ASCC1: variants seen among roughly 807,000 people sequenced by gnomAD.
ASCC1 encodes the protein activating signal cointegrator 1 complex subunit 1, also known as ASC-1 complex subunit P50.
A neutral mutation model predicts 46.6 loss-of-function variants in ASCC1; 35 were observed. The observed-to-expected ratio is 0.75, with a 90% CI of 0.57 to 0.99. ASCC1 has a LOEUF of 0.99. Ranked by LOEUF, ASCC1 falls within the 50% of genes least tolerant of loss-of-function variation. ASCC1 has a pLI of 0.00. For missense variants in ASCC1, 376 were observed against 428.7 expected (o/e 0.88, Z 1.09); for synonymous variants, 143 against 146.6 (o/e 0.98, Z 0.18).
chr10:72,112,880 A>T lies in ASCC1; in HGVS notation c.957+15202T>A, dbSNP rs1223367771. On this transcript the variant is annotated intron_variant, in intron 9 of 9. Coordinates refer to ENST00000672957, the MANE Select transcript of ASCC1 (RefSeq NM_001198800.3). The stretch of plus-strand genomic sequence containing the variant: ...GCAACAGAGCTAGACTCTGCCTCCA[A>T]AAAAAAAAAAAAAAAAAAAAACCCC... Among the ~76,000 whole-genome samples, 3 of 35,724 alleles carry T rather than the reference A, an allele frequency of 8.4e-5. No homozygotes were observed. In the East Asian group the frequency reaches 1.1e-3, roughly 14 times the overall value. 23.4% of individuals were successfully genotyped at this position (35,724 alleles called of 152,430 possible). A position where few individuals can be genotyped will look rare whatever the true frequency, so the allele number is the denominator to read the frequency against.
intron 5 of ASCC1, among the ~76,000 whole-genome samples, chr10:72,167,565 C>T (rs1298369950): frequency 6.6e-6 from 1 of 150,974 alleles, no homozygotes; most frequent in African/African-American, 2.4e-5. Flanking sequence ...CTAAATTGTA[C>T]ACTTAAAATG....
At chr10:72,102,115 C>G (rs1021464018) in intron 9 of ASCC1, among the ~76,000 whole-genome samples, 6 of 151,576 alleles carry the variant, frequency 4.0e-5, no homozygotes, top group African/African-American at 1.2e-4. Context: ...AACAAACCTT[C>G]ACATGTACCC....
chr10:72,128,277 A>G (rs1564616643), intron 8 of ASCC1, 110 bp from the exon 9 acceptor site: 7 of 861,534 alleles, frequency 8.1e-6, no homozygotes, highest in Non-Finnish European at 1.4e-5. Flanking sequence ...AACTACCTGG[A>G]AAGTGGCATA....
At chr10:72,113,692 T>C (rs1843172979) in intron 9 of ASCC1, among the ~76,000 whole-genome samples, 1 of 152,236 alleles carries the variant, frequency 6.6e-6, no homozygotes, top group Non-Finnish European at 1.5e-5. Flanking sequence ...AACTGTACTT[T>C]TTCCTTATAT....
At position 72,213,248 on chromosome 10, in the gene ASCC1, C is replaced by A. The variant is rs762142390; in HGVS notation, c.51G>T (p.Arg17Ser). ...QLIRIDGRNYRKNPVQEQTYQ... is the reference protein window; with the variant it reads ...QLIRIDGRNYSKNPVQEQTYQ... The stretch of plus-strand genomic sequence containing the variant: ...AGGTCTGTTCTTGGACTGGATTCTT[C>A]CTGTAATTCCGGCCATCAATTCTTA... Residue 17 changes from arginine (R) to serine (S), a missense_variant, in exon 2 of 10, where the codon AGG (arginine) becomes AGT (serine). Coordinates refer to ENST00000672957, the MANE Select transcript of ASCC1 (RefSeq NM_001198800.3). The A allele has an allele frequency of 6.2e-7, 1 of 1,614,004 alleles. No homozygotes were observed. Among genetic ancestry groups the A allele is most frequent in the Non-Finnish European group, 8.5e-7 (1 of 1,179,930 alleles).
chr10:72,210,116 C>G (rs1052362266), intron 3 of ASCC1, among the ~76,000 whole-genome samples: 8 of 151,210 alleles, frequency 5.3e-5, no homozygotes, highest in Non-Finnish European at 1.2e-4. Context: ...TGGTGCCATG[C>G]TTGTACTGTC....
In ASCC1 at chr10:72,179,680, T is replaced by G. The variant is rs540851589; in HGVS notation, c.489+17131A>C. ...AAATGAGATATAAATACCTACCTCA[T>G]AGGGAGGGACTGAAGATTAAACAAA... is the stretch of plus-strand genomic sequence containing the variant. On this transcript the variant is annotated intron_variant, in intron 5 of 9. Transcript: ENST00000672957. Among the ~76,000 whole-genome samples the G allele has an allele frequency of 2.6e-4, 39 of 152,222 alleles. No homozygotes were observed. In the South Asian group the frequency reaches 7.0e-3, roughly 27 times the overall value.
chr10:72,121,716 A>C (rs1844231479), intron 9 of ASCC1, among the ~76,000 whole-genome samples: 1 of 152,196 alleles, frequency 6.6e-6, no homozygotes. Context: ...TCCTTAACAC[A>C]TATGTGCCTA....
At chr10:72,109,405 G>A (rs56663070) in intron 9 of ASCC1, among the ~76,000 whole-genome samples, 2,290 of 152,250 alleles carry the variant, frequency 0.015, 63 homozygotes, top group African/African-American at 0.052. Context: ...CACAGAATGG[G>A]AACAGCAACT....
intron 7 of ASCC1, 42 bp from the exon 8 acceptor site, chr10:72,133,223 C>T (rs756355497): frequency 6.2e-7 from 1 of 1,608,286 alleles, no homozygotes; most frequent in African/African-American, 1.3e-5. Flanking sequence ...TCTTAGTAAA[C>T]TTCTGAACAT....
chr10:72,158,482 G>A (rs1481703298), intron 6 of ASCC1, among the ~76,000 whole-genome samples: 1 of 152,144 alleles, frequency 6.6e-6, no homozygotes, highest in Non-Finnish European at 1.5e-5. Flanking sequence ...AGTCACCAGG[G>A]ACACAGCCGG....
At chr10:72,114,784 T>A (rs1043590063) in intron 9 of ASCC1, among the ~76,000 whole-genome samples, 1 of 152,072 alleles carries the variant, frequency 6.6e-6, no homozygotes, top group African/African-American at 2.4e-5. Flanking sequence ...TAAAGCAAAA[T>A]TGTGTTGGGT....
intron 8 of ASCC1, among the ~76,000 whole-genome samples, chr10:72,128,792 T>C (rs1312222038): frequency 6.6e-6 from 1 of 152,014 alleles, no homozygotes; most frequent in Non-Finnish European, 1.5e-5. Context: ...AAGACATCCT[T>C]AAAGGTTGGC....
At position 72,152,938 on chromosome 10, in the gene ASCC1, T is replaced by C; in HGVS notation, c.677A>G (p.Tyr226Cys). 1 of 1,614,126 alleles carries C rather than the reference T, an allele frequency of 6.2e-7. No homozygotes were observed. The highest frequency in any genetic ancestry group is 1.1e-5 in the South Asian group (1 of 91,086). Residue 226 changes from tyrosine to cysteine, a missense_variant, in exon 7 of 10, where the codon TAC (tyrosine) becomes TGC (cysteine). Coordinates refer to ENST00000672957, the MANE Select transcript of ASCC1 (RefSeq NM_001198800.3). ...CACCATGCCAGGATCATCATTCATG[T>C]ATTCTATCCCTGCCATCTCCACTTC... is the stretch of plus-strand genomic sequence containing the variant. ...PLEVEMAGIEYMNDDPGMVDV... is the reference protein window; with the variant it reads ...PLEVEMAGIECMNDDPGMVDV...
At chr10:72,149,274 T>TA (rs35556731) in intron 7 of ASCC1, among the ~76,000 whole-genome samples, 17 of 151,752 alleles carry the variant, frequency 1.1e-4, no homozygotes, top group Admixed American at 5.3e-4. Flanking sequence ...CTGTCTCTAC[T>TA]AAAAATACAA....
At chr10:72,152,637 C>A (rs1449605021) in intron 7 of ASCC1, among the ~76,000 whole-genome samples, 1 of 152,078 alleles carries the variant, frequency 6.6e-6, no homozygotes, top group Non-Finnish European at 1.5e-5. Flanking sequence ...CTGAGATCAG[C>A]CTGGGCATAG....
intron 5 of ASCC1, among the ~76,000 whole-genome samples, chr10:72,165,927 G>A (rs1589426807): frequency 6.6e-6 from 1 of 152,272 alleles, no homozygotes. Context: ...TTGGGCCCTT[G>A]CTCTGCTCCA....
chr10:72,136,622 C>T (rs1349087616), intron 7 of ASCC1, among the ~76,000 whole-genome samples: 1 of 152,176 alleles, frequency 6.6e-6, no homozygotes, highest in Non-Finnish European at 1.5e-5. Flanking sequence ...GCTGGCCACC[C>T]AAGCCAGCAG....
In ASCC1 at chr10:72,137,339, CA is replaced by C. The variant is rs1166487149; in HGVS notation, c.747-4159del. On this transcript the variant is annotated intron_variant, in intron 7 of 9. Transcript: ENST00000672957. ...GTCAGAAGTTCGAGATCAGCCTGGCCAACATGGTGAAACCCCATCTCTACTA... is the reference window on the plus strand; with the variant it reads ...GTCAGAAGTTCGAGATCAGCCTGGCCACATGGTGAAACCCCATCTCTACTA... Among the ~76,000 whole-genome samples the C allele has an allele frequency of 3.3e-5, 5 of 151,964 alleles. No individual in the cohort carries two copies. In the East Asian group the frequency reaches 7.8e-4, roughly 24 times the overall value.
Sources: gnomAD v4.1 joint callset for allele counts (sites outside exome capture counted in the v4.1 genomes callset) on GRCh38, gnomAD v4.1.1 for gene constraint, MANE v1.5 for transcripts, NCBI Gene and HGNC (gene_info 2026-07-23, HGNC 2026-07-21) for gene names.